SCGB2A2: variants seen among roughly 807,000 people sequenced by gnomAD.
The protein encoded by SCGB2A2 is mammaglobin-A.
SCGB2A2 carries 11 observed loss-of-function variants against 8.8 expected under a neutral mutation model. That is an observed-to-expected ratio of 1.25 (90% confidence interval 0.79 to 2.07). The LOEUF (loss-of-function observed/expected upper bound fraction) is 2.07. Ranked by LOEUF, SCGB2A2 falls within the 30% of genes most tolerant of loss-of-function variation. The pLI is 0.00. For synonymous variants in SCGB2A2, 42 were observed against 40.9 expected (o/e 1.03, Z -0.10); for missense variants, 113 against 109.9 (o/e 1.03, Z -0.13).
rs1013460416 is a variant in SCGB2A2, at chr11:62,272,973, G to A, written c.260G>A (p.Ser87Asn). 9.3e-6 allele frequency: 15 copies of A among 1,608,392 alleles called. No homozygotes were observed. The highest frequency in any genetic ancestry group is 1.3e-5 in the Non-Finnish European group (15 of 1,177,386). The change falls in exon 3 of 3, where the codon AGC becomes AAC. Residue 87 changes from serine to asparagine, a missense_variant. Ser to Asn is a conservative substitution (Grantham distance 46). Transcript: ENST00000227918. ...GCTTTCTAGCAATTAATATATGACA[G>A]CAGTCTTTGTGATTTATTTTAACTT... Reference protein sequence around the residue: ...VEVFMQLIYDSSLCDLF With the variant: ...VEVFMQLIYDNSLCDLF
chr11:62,270,853 A>C lies in SCGB2A2; in HGVS notation c.56-28A>C, dbSNP rs779011931. ...CAAGCCTTTCATGCCTTCTGTACCAAGCTTGTTTCCTTGTGCATCCTTCCC... is the reference window on the plus strand; with the variant it reads ...CAAGCCTTTCATGCCTTCTGTACCACGCTTGTTTCCTTGTGCATCCTTCCC... On this transcript the variant is annotated intron_variant, in intron 1 of 2. Transcript: ENST00000227918. 49 of 1,600,628 alleles carry C rather than the reference A, an allele frequency of 3.1e-5. No homozygotes were observed. In the East Asian group the frequency reaches 1.1e-3, roughly 36 times the overall value.
chr11:62,273,066 C>T lies in SCGB2A2; in HGVS notation c.*71C>T. On this transcript the variant is annotated 3_prime_UTR_variant, in exon 3 of 3. Coordinates refer to ENST00000227918, the MANE Select transcript of SCGB2A2 (RefSeq NM_002411.4). ...AAACCAACTACGGATTGCTGCAAACCACACCTTCTCTTTCTTATGTCTTTT... is the reference window on the plus strand; with the variant it reads ...AAACCAACTACGGATTGCTGCAAACTACACCTTCTCTTTCTTATGTCTTTT... 3.9e-6 allele frequency: 4 copies of T among 1,037,400 alleles called. No homozygotes were observed. Among genetic ancestry groups the T allele is most frequent in the Non-Finnish European group, 5.8e-6 (4 of 690,036 alleles). The allele number at this position is 1,037,400 out of a possible 1,614,324, so 64.3% of individuals were successfully genotyped here.
At chr11:62,270,745 G>A (rs1214533023) in intron 1 of SCGB2A2, 136 bp from the exon 2 acceptor site, 18 of 685,580 alleles carry the variant, frequency 2.6e-5, no homozygotes, top group Non-Finnish European at 3.1e-5. Flanking sequence ...TCCCAGATTT[G>A]AGAACTCTAG....
chr11:62,270,307 G>A, intron 1 of SCGB2A2, 36 bp downstream of exon 1: 2 of 1,604,738 alleles, frequency 1.2e-6, no homozygotes, highest in African/African-American at 2.7e-5. Context: ...CTCGGGGTTA[G>A]GGGTTGTCAC....
chr11:62,271,264 G>T, intron 2 of SCGB2A2, 196 bp downstream of exon 2: 2 of 1,471,108 alleles, frequency 1.4e-6, no homozygotes, highest in Non-Finnish European at 1.8e-6. Context: ...ACTCTACCCA[G>T]AGAATCCTCA....
chr11:62,270,797 T>C (rs1283354705), intron 1 of SCGB2A2, 84 bp from the exon 2 acceptor site: 1 of 982,464 alleles, frequency 1.0e-6, no homozygotes, highest in Non-Finnish European at 1.5e-6. Context: ...TCTTGGGCTG[T>C]AAGAAGATGA....
chr11:62,270,299 C>T (rs1248150760), intron 1 of SCGB2A2, 28 bp downstream of exon 1: 17 of 1,610,526 alleles, frequency 1.1e-5, no homozygotes, highest in Admixed American at 1.7e-5. Context: ...AGGGCTGCCT[C>T]GGGGTTAGGG....
intron 2 of SCGB2A2, chr11:62,271,451 A>G: frequency 7.4e-7 from 1 of 1,350,322 alleles, no homozygotes; most frequent in Non-Finnish European, 9.5e-7. Context: ...AATCACACAA[A>G]CACACACACA....
At position 62,272,971 on chromosome 11, in the gene SCGB2A2, C is replaced by T; in HGVS notation, c.258C>T (p.Asp86=). The T allele has an allele frequency of 1.2e-6, 2 of 1,608,162 alleles. No individual in the cohort carries two copies. The highest frequency in any genetic ancestry group is 1.7e-6 in the Non-Finnish European group (2 of 1,177,202). The part of the protein sequence containing the change: ...NVEVFMQLIY[D]SSLCDLF ...TTGCTTTCTAGCAATTAATATATGA[C>T]AGCAGTCTTTGTGATTTATTTTAAC... The change falls in exon 3 of 3, where the codon GAC becomes GAT. Residue 86 remains aspartate, a synonymous_variant. Transcript: ENST00000227918.
Position 62,270,158 on chromosome 11 carries a change from A to G in SCGB2A2, c.-59A>G, listed in dbSNP as rs1220451144. On this transcript the variant is annotated 5_prime_UTR_variant, in exon 1 of 3. Coordinates refer to ENST00000227918, the MANE Select transcript of SCGB2A2 (RefSeq NM_002411.4). ...AGAGCAAGGCTGGGTGCTCACCTCC[A>G]CAGCGGCTTCCTTGATCCTTGCCAC... The G allele has an allele frequency of 6.5e-7, 1 of 1,548,364 alleles. No homozygotes were observed. The highest frequency in any genetic ancestry group is 8.9e-7 in the Non-Finnish European group (1 of 1,120,630).
At position 62,270,885 on chromosome 11, in the gene SCGB2A2, T is replaced by C. The variant is rs143763665; in HGVS notation, c.60T>C (p.Ser20=). 7 of 1,613,142 alleles carry C rather than the reference T, an allele frequency of 4.3e-6. No individual in the cohort carries two copies. Among genetic ancestry groups the C allele is most frequent in the South Asian group, 2.2e-5 (2 of 91,066 alleles). Residue 20 remains serine, a synonymous_variant, in exon 2 of 3, where the codon TCT becomes TCC. Coordinates refer to ENST00000227918, the MANE Select transcript of SCGB2A2 (RefSeq NM_002411.4). ...TTCCTTGTGCATCCTTCCCAGGCTC[T>C]GGCTGCCCCTTATTGGAGAATGTGA... is the stretch of plus-strand genomic sequence containing the variant. ...AALSQHCYAG[S]GCPLLENVIS...
At chr11:62,271,890 G>A (rs531259234) in intron 2 of SCGB2A2, 1 of 984,726 alleles carries the variant, frequency 1.0e-6, no homozygotes, top group Admixed American at 6.1e-5. Flanking sequence ...ATAGGCAACT[G>A]TAGATCATGG....
Position 62,270,945 on chromosome 11 carries a change from T to C in SCGB2A2, c.120T>C (p.Thr40=). The C allele has an allele frequency of 6.2e-7, 1 of 1,614,184 alleles. No individual in the cohort carries two copies. The highest frequency in any genetic ancestry group is 8.5e-7 in the Non-Finnish European group (1 of 1,180,010). Residue 40 remains threonine (T), a synonymous_variant, in exon 2 of 3, where the codon ACT becomes ACC. Transcript: ENST00000227918. ...SKTINPQVSK[T]EYKELLQEFI... ...CAATCAATCCACAAGTGTCTAAGAC[T>C]GAATACAAAGAACTTCTTCAAGAGT...
At chr11:62,272,565 T>C (rs1050203076) in intron 2 of SCGB2A2, among the ~76,000 whole-genome samples, 1 of 151,074 alleles carries the variant, frequency 6.6e-6, no homozygotes, top group Non-Finnish European at 1.5e-5. Context: ...TAGAGCACAA[T>C]GGTGGTGGCA....
Position 62,272,949 on chromosome 11 carries a change from C to T in SCGB2A2, c.244-8C>T, listed in dbSNP as rs1289238259. On this transcript the variant is annotated splice_polypyrimidine_tract_variant and splice_region_variant and intron_variant, in intron 2 of 2. Transcript: ENST00000227918. ...AATCTAAGTGATGTCTCTGTTTTTG[C>T]TTTCTAGCAATTAATATATGACAGC... is the stretch of plus-strand genomic sequence containing the variant. The T allele has an allele frequency of 1.3e-6, 2 of 1,595,746 alleles. No individual in the cohort carries two copies. The highest frequency in any genetic ancestry group is 1.7e-6 in the Non-Finnish European group (2 of 1,170,552).
chr11:62,272,039 TG>T, intron 2 of SCGB2A2: 2 of 95,578 alleles, frequency 2.1e-5, no homozygotes, highest in Non-Finnish European at 2.5e-5. Flanking sequence ...AATCCTTCCC[TG>T]GTAAAAAAAA....
At chr11:62,271,367 A>G (rs943165288) in intron 2 of SCGB2A2, 1 of 1,434,690 alleles carries the variant, frequency 7.0e-7, no homozygotes. Flanking sequence ...GCTCACAAAC[A>G]CAGACACAAT....
At chr11:62,271,482 G>A (rs765857425) in intron 2 of SCGB2A2, 154 of 1,276,796 alleles carry the variant, frequency 1.2e-4, no homozygotes, top group Non-Finnish European at 1.5e-4. Context: ...CACAAACATA[G>A]ACAGACAGGC....
In SCGB2A2 at chr11:62,270,839, T is replaced by C. The variant is rs200101717; in HGVS notation, c.56-42T>C. The C allele has an allele frequency of 1.1e-4, 163 of 1,538,000 alleles. No individual in the cohort carries two copies. In the Admixed American group the frequency reaches 1.2e-3, roughly 11 times the overall value. On this transcript the variant is annotated intron_variant, in intron 1 of 2. Coordinates refer to ENST00000227918, the MANE Select transcript of SCGB2A2 (RefSeq NM_002411.4). Reference sequence around the variant, plus strand: ...TAATAGGTCTGCCCCAAGCCTTTCATGCCTTCTGTACCAAGCTTGTTTCCT... The same window carrying C: ...TAATAGGTCTGCCCCAAGCCTTTCACGCCTTCTGTACCAAGCTTGTTTCCT...
Sources: gnomAD v4.1 joint callset for allele counts (sites outside exome capture counted in the v4.1 genomes callset) on GRCh38, gnomAD v4.1.1 for gene constraint, MANE v1.5 for transcripts, NCBI Gene and HGNC (gene_info 2026-07-23, HGNC 2026-07-21) for gene names.